The following SVOP variants were observed in gnomAD, a reference collection of about 807,000 sequenced individuals.
The protein encoded by SVOP is synaptic vesicle 2-related protein.
SVOP carries 17 observed loss-of-function variants against 69.1 expected under a neutral mutation model. The ratio of observed to expected loss-of-function variants is 0.25; its 90% confidence interval spans 0.17 to 0.37. The LOEUF (loss-of-function observed/expected upper bound fraction) is 0.37, where lower values mean the gene tolerates loss of function less well. Among genes scored for constraint, SVOP ranks in the 10% least tolerant of loss-of-function variants. The probability of loss-of-function intolerance (pLI) is 1.00; values close to 1 mark genes in which losing one functional copy is unlikely to be tolerated. For missense variants in SVOP, 435 were observed against 597.5 expected (o/e 0.73, Z 2.84); for synonymous variants, 238 against 238.6 (o/e 1.00, Z 0.02).
At chr12:109,020,764 AC>A (rs971685008) in intron 1 of SVOP, 69 bp downstream of exon 1, 3 of 199,944 alleles carry the variant, frequency 1.5e-5, no homozygotes, top group African/African-American at 4.9e-5. Context: ...ACCCCCCCCC[AC>A]CCCCCTTGCA....
chr12:109,006,476 A>G, intron 1 of SVOP, among the ~76,000 whole-genome samples: 1 of 152,200 alleles, frequency 6.6e-6, no homozygotes, highest in South Asian at 2.1e-4. Context: ...AAGAAGGGGC[A>G]TGCCACACTT....
intron 1 of SVOP, among the ~76,000 whole-genome samples, chr12:109,020,248 CA>C (rs905978174): frequency 6.6e-6 from 1 of 152,190 alleles, no homozygotes; most frequent in African/African-American, 2.4e-5. Context: ...CTAGCTGCTA[CA>C]AAAACCTTTC....
At chr12:108,924,255 A>C (rs867415364) in intron 11 of SVOP, among the ~76,000 whole-genome samples, 49 of 152,152 alleles carry the variant, frequency 3.2e-4, no homozygotes, top group African/African-American at 1.1e-3. Context: ...GACCGACAGA[A>C]ATAAATTTCT....
chr12:108,926,422 T>C (rs979774216), intron 11 of SVOP: 1 of 152,234 alleles, frequency 6.6e-6, no homozygotes, highest in African/African-American at 2.4e-5. Context: ...CATATTTTCT[T>C]AACCCAATCC....
At chr12:109,018,725 T>C (rs199916515) in intron 1 of SVOP, among the ~76,000 whole-genome samples, 288 of 152,324 alleles carry the variant, frequency 1.9e-3, no homozygotes, top group African/African-American at 6.1e-3. Context: ...TCAAATGTCA[T>C]TTGGGGTTTG....
intron 6 of SVOP, among the ~76,000 whole-genome samples, chr12:108,955,003 C>T (rs535123774): frequency 2.0e-5 from 3 of 152,266 alleles, no homozygotes; most frequent in South Asian, 4.1e-4. Context: ...GGTAACAGAG[C>T]GAGACCCTGT....
chr12:108,982,483 A>C (rs1287504050), intron 2 of SVOP, among the ~76,000 whole-genome samples: 34 of 111,172 alleles, frequency 3.1e-4, no homozygotes, highest in East Asian at 1.2e-3. Context: ...TTATCACCAC[A>C]ATCATCATCA....
intron 1 of SVOP, among the ~76,000 whole-genome samples, chr12:109,011,435 C>A (rs2040341004): frequency 6.6e-6 from 1 of 152,106 alleles, no homozygotes; most frequent in Non-Finnish European, 1.5e-5. Context: ...ACAATGATGC[C>A]CTATCTCTCT....
rs776439137 is a variant in SVOP at position 108,938,859 on chromosome 12, T to C, written c.865A>G (p.Met289Val). 2.5e-6 allele frequency: 4 copies of C among 1,614,028 alleles called. No individual in the cohort carries two copies. The highest frequency in any genetic ancestry group is 3.4e-6 in the Non-Finnish European group (4 of 1,179,880). The change falls in exon 9 of 16, where the codon ATG becomes GTG. Residue 289 changes from methionine to valine, a missense_variant. By Grantham distance (21) the Met-to-Val change is conservative. Coordinates refer to ENST00000610966, the MANE Select transcript of SVOP (RefSeq NM_018711.5). ...KRIATENGAP[M>V]PLGKLIISRQ... ...GAGATGATGAGTTTCCCCAGCGGCA[T>C]GGGAGCTCCGTTTTCAGTTGCTATC... is the stretch of plus-strand genomic sequence containing the variant.
At chr12:108,997,433 G>C (rs1419246064) in intron 1 of SVOP, among the ~76,000 whole-genome samples, 5 of 151,776 alleles carry the variant, frequency 3.3e-5, no homozygotes, top group Admixed American at 3.3e-4. Flanking sequence ...AAGCAGCCAG[G>C]AAGCTCGAAC....
intron 11 of SVOP, among the ~76,000 whole-genome samples, chr12:108,930,725 C>T (rs1050136302): frequency 1.3e-5 from 2 of 152,136 alleles, no homozygotes; most frequent in Non-Finnish European, 2.9e-5. Flanking sequence ...TGAGCCACTA[C>T]GCCTGGTGAG....
At chr12:109,016,552 A>T (rs376491647) in intron 1 of SVOP, among the ~76,000 whole-genome samples, 1 of 152,192 alleles carries the variant, frequency 6.6e-6, no homozygotes, top group African/African-American at 2.4e-5. Flanking sequence ...TTTGAGACAC[A>T]CCAAGCTTTT....
intron 11 of SVOP, 56 bp downstream of exon 11, chr12:108,934,139 T>A: frequency 6.8e-7 from 1 of 1,464,806 alleles, no homozygotes; most frequent in Non-Finnish European, 9.4e-7. Context: ...TGCATGACTG[T>A]GTATGTGCCG....
chr12:108,942,288 A>G (rs2039895896), intron 7 of SVOP, among the ~76,000 whole-genome samples: 1 of 152,228 alleles, frequency 6.6e-6, no homozygotes, highest in Non-Finnish European at 1.5e-5. Context: ...GCTAGTGTGA[A>G]TAACACGGCT....
intron 7 of SVOP, among the ~76,000 whole-genome samples, chr12:108,942,952 T>A (rs1322857826): frequency 6.6e-6 from 1 of 151,652 alleles, no homozygotes; most frequent in African/African-American, 2.4e-5. Flanking sequence ...TGAGATGGAG[T>A]TTTGCCATGT....
intron 5 of SVOP, among the ~76,000 whole-genome samples, chr12:108,962,842 G>T (rs2040024942): frequency 6.6e-6 from 1 of 151,892 alleles, no homozygotes; most frequent in South Asian, 2.1e-4. Flanking sequence ...GCGGGTGCCT[G>T]TAGTCCCAGC....
intron 1 of SVOP, among the ~76,000 whole-genome samples, chr12:109,007,941 G>C (rs2040318130): frequency 2.6e-5 from 4 of 152,076 alleles, no homozygotes; most frequent in Admixed American, 2.6e-4. Context: ...GGGAGGATGA[G>C]ATGGAAGGAT....
chr12:108,918,367 G>A (rs188276132), intron 13 of SVOP, among the ~76,000 whole-genome samples: 62 of 152,298 alleles, frequency 4.1e-4, no homozygotes, highest in Non-Finnish European at 5.7e-4. Flanking sequence ...TGCCCAGGAT[G>A]GGCACAAGAT....
chr12:108,980,443 T>C (rs1301179303), intron 2 of SVOP, among the ~76,000 whole-genome samples: 1 of 152,028 alleles, frequency 6.6e-6, no homozygotes, highest in Non-Finnish European at 1.5e-5. Flanking sequence ...CCAAAATGAA[T>C]AGTTAATTAA....
Sources: allele counts gnomAD v4.1 joint callset (sites outside exome capture counted in the v4.1 genomes callset), GRCh38; gene constraint gnomAD v4.1.1; transcripts MANE v1.5; gene names NCBI Gene and HGNC (gene_info 2026-07-23, HGNC 2026-07-21).